Variants in PPM1B observed in about 807,000 individuals in gnomAD.
The protein encoded by PPM1B is protein phosphatase, Mg2+/Mn2+ dependent 1B, also known as protein phosphatase 1B.
PPM1B carries 22 observed loss-of-function variants against 43.0 expected under a neutral mutation model. That is an observed-to-expected ratio of 0.51 (90% CI 0.37 to 0.73). PPM1B has a LOEUF of 0.73. Ranked by LOEUF, PPM1B falls within the 30% of genes least tolerant of loss-of-function variation. The probability of loss-of-function intolerance (pLI) is 0.00; values close to 1 mark genes in which losing one functional copy is unlikely to be tolerated. For synonymous variants in PPM1B, 217 were observed against 197.9 expected (o/e 1.10, Z -0.81); for missense variants, 632 against 584.2 (o/e 1.08, Z -0.84).
intron 1 of PPM1B, among the ~76,000 whole-genome samples, chr2:44,170,820 C>G (rs1667302233): frequency 6.6e-6 from 1 of 152,160 alleles, no homozygotes. Context: ...TTTTGTAGGT[C>G]TGCCAAATGG....
intron 5 of PPM1B, among the ~76,000 whole-genome samples, chr2:44,222,069 C>G (rs1670003286): frequency 6.6e-6 from 1 of 152,008 alleles, no homozygotes; most frequent in Admixed American, 6.6e-5. Flanking sequence ...TGGAAAATTT[C>G]CAGAAAAAGC....
At chr2:44,232,390 A>G (rs768653132), downstream of PPM1B, 6 of 1,594,708 alleles carry the variant, frequency 3.8e-6, no homozygotes, top group East Asian at 2.3e-5. Context: ...AAATTGGGGG[A>G]AAAAACTTTT....
chr2:44,236,667 G>C (rs1670632854), downstream of PPM1B, among the ~76,000 whole-genome samples: 1 of 152,102 alleles, frequency 6.6e-6, no homozygotes, highest in South Asian at 2.1e-4. Flanking sequence ...GCAAACCAGA[G>C]GAATATATGG....
downstream of PPM1B, chr2:44,231,534 G>T (rs1182816652): frequency 9.0e-6 from 7 of 781,658 alleles, no homozygotes; most frequent in Non-Finnish European, 9.3e-6. Flanking sequence ...TATATTGGAA[G>T]AATACCCATT....
intron 1 of PPM1B, among the ~76,000 whole-genome samples, chr2:44,185,588 G>C (rs1195608596): frequency 6.6e-6 from 1 of 152,044 alleles, no homozygotes; most frequent in Non-Finnish European, 1.5e-5. Context: ...TTTTGATTTA[G>C]GACAAGAAAA....
intron 5 of PPM1B, among the ~76,000 whole-genome samples, chr2:44,225,416 A>G (rs1429132127): frequency 1.3e-5 from 2 of 152,222 alleles, no homozygotes; most frequent in Non-Finnish European, 2.9e-5. Context: ...TATTAATGAA[A>G]GCCCATGAGA....
intron 2 of PPM1B, among the ~76,000 whole-genome samples, chr2:44,207,418 G>T (rs139749675): frequency 0.017 from 2,583 of 152,186 alleles, 29 homozygotes; most frequent in Admixed American, 0.025. Flanking sequence ...AGAGTGAACA[G>T]AAAAAGAAAG....
intron 5 of PPM1B, among the ~76,000 whole-genome samples, chr2:44,228,618 CATCAACTGT>C (rs1277299671): frequency 6.6e-6 from 1 of 152,138 alleles, no homozygotes; most frequent in Non-Finnish European, 1.5e-5. Flanking sequence ...GTTTGTGTCA[CATCAACTGT>C]ATCAATAACC....
intron 2 of PPM1B, among the ~76,000 whole-genome samples, chr2:44,205,354 G>GGTGTCGGGGTGTGTGTGT (rs1669134718): frequency 1.1e-5 from 1 of 91,720 alleles, no homozygotes; most frequent in African/African-American, 3.4e-5. Context: ...TGTGGGTGTG[G>GGTGTCGGGGTGTGTGTGT]GTGTGTGTGT....
rs185758006 is a variant in PPM1B, at chr2:44,204,995, G to C, written c.846+2950G>C. 3.9e-5 allele frequency among the ~76,000 whole-genome samples: 6 copies of C among 152,088 alleles called. No individual in the cohort carries two copies. The East Asian group carries it at 9.7e-4, about 24-fold the overall frequency. On this transcript the variant is annotated intron_variant, in intron 2 of 5. Coordinates refer to ENST00000282412, the MANE Select transcript of PPM1B (RefSeq NM_002706.6). ...TATTTAACTCGAGGGGAGAATGGGA[G>C]CTAAGAAAGCAACCCTCCCATTTTA... is the stretch of plus-strand genomic sequence containing the variant.
At chr2:44,243,217 A>T (rs56282169) in intron 5 of PPM1B, among the ~76,000 whole-genome samples, 1 of 152,208 alleles carries the variant, frequency 6.6e-6, no homozygotes, top group Admixed American at 6.5e-5. Context: ...GCTGAAGAGT[A>T]TAAGAGAGCT....
chr2:44,177,381 T>C (rs1416520853), intron 1 of PPM1B, among the ~76,000 whole-genome samples: 1 of 150,676 alleles, frequency 6.6e-6, no homozygotes, highest in Non-Finnish European at 1.5e-5. Context: ...TCATCTGTTC[T>C]GGAGTGTTTG....
At chr2:44,210,470 T>C (rs555160431) in intron 3 of PPM1B, among the ~76,000 whole-genome samples, 2 of 152,248 alleles carry the variant, frequency 1.3e-5, no homozygotes, top group East Asian at 1.9e-4. Flanking sequence ...TCCTCCCACA[T>C]TGGCCTACCA....
At chr2:44,230,249 T>G in intron 5 of PPM1B, 164 bp from the exon 6 acceptor site, 2 of 1,430,368 alleles carry the variant, frequency 1.4e-6, no homozygotes, top group Non-Finnish European at 1.8e-6. Context: ...TTGGAAGTTT[T>G]TATTAATTGA....
At chr2:44,198,137 G>A (rs1017945191) in intron 1 of PPM1B, among the ~76,000 whole-genome samples, 48 of 152,004 alleles carry the variant, frequency 3.2e-4, no homozygotes, top group African/African-American at 9.4e-4. Flanking sequence ...GTATTTGGTC[G>A]TCTTTTCTTG....
At chr2:44,225,209 A>G (rs1038073061) in intron 5 of PPM1B, among the ~76,000 whole-genome samples, 8 of 152,190 alleles carry the variant, frequency 5.3e-5, no homozygotes, top group Admixed American at 6.5e-5. Context: ...CCTTCCTTAG[A>G]TGGTAGGAGG....
chr2:44,173,774 C>G (rs371612656), intron 1 of PPM1B, among the ~76,000 whole-genome samples: 4 of 152,146 alleles, frequency 2.6e-5, no homozygotes, highest in Non-Finnish European at 5.9e-5. Flanking sequence ...GAAACCCTGT[C>G]TTTACCAAAA....
Position 44,195,946 on chromosome 2 carries a change from A to T in PPM1B, c.-14-5240A>T, listed in dbSNP as rs139247043. On this transcript the variant is annotated intron_variant, in intron 1 of 5. Transcript: ENST00000282412. ...TACTCCTTGGGACAGTCTCAGCTAA[A>T]TTCCTAGCCAGCATCCCTCATCAGC... Among the ~76,000 whole-genome samples the T allele has an allele frequency of 1.5e-3, 227 of 152,264 alleles. 2 individuals are homozygous for T. The highest frequency in any genetic ancestry group is 5.1e-3 in the African/African-American group (213 of 41,556).
intron 5 of PPM1B, among the ~76,000 whole-genome samples, chr2:44,229,580 T>TGTAAACTG (rs1219474627): frequency 6.6e-6 from 1 of 152,206 alleles, no homozygotes; most frequent in Middle Eastern, 3.2e-3. Context: ...CCTTTTTTCC[T>TGTAAACTG]GTAAACTGGG....
Sources: allele counts gnomAD v4.1 joint callset (sites outside exome capture counted in the v4.1 genomes callset), GRCh38; gene constraint gnomAD v4.1.1; transcripts MANE v1.5; gene names NCBI Gene and HGNC (gene_info 2026-07-23, HGNC 2026-07-21).